Variants in SYAP1 observed in about 807,000 individuals in gnomAD.
SYAP1 encodes synapse-associated protein 1.
In SYAP1, 3 loss-of-function variants were observed where a neutral mutation model predicts 29.6. The observed-to-expected ratio is 0.10, with a 90% CI of 0.05 to 0.26. The LOEUF is 0.26. SYAP1 is among the 10% of genes least tolerant of loss of function. The pLI is 1.00. For synonymous variants in SYAP1, 102 were observed against 102.7 expected (o/e 0.99, Z 0.04); for missense variants, 217 against 264.1 (o/e 0.82, Z 1.24).
At chrX:16,735,379 A>G (rs1926307892) in intron 2 of SYAP1, 34 bp downstream of exon 2, 4 of 897,278 alleles carry the variant, frequency 4.5e-6, no homozygotes, top group Non-Finnish European at 6.3e-6. Context: ...GTAGAAATGT[A>G]TGAAATTCAT....
At chrX:16,748,393 CACA>C (rs1926655261) in intron 5 of SYAP1, among the ~76,000 whole-genome samples, 1 of 112,775 alleles carries the variant, frequency 8.9e-6, no homozygotes, top group African/African-American at 3.2e-5. Context: ...CACACAGAAG[CACA>C]ACTTTGCTCT....
intron 5 of SYAP1, among the ~76,000 whole-genome samples, chrX:16,752,241 GCAC>G (rs1040698433): frequency 1.8e-5 from 2 of 108,549 alleles, no homozygotes; most frequent in Non-Finnish European, 3.8e-5. Context: ...CCTCCCAAAG[GCAC>G]TGGGACTACA....
chrX:16,736,146 CTA>C lies in SYAP1; in HGVS notation c.295-18_295-17del, dbSNP rs1926323554. 5 of 1,024,748 alleles carry C rather than the reference CTA, an allele frequency of 4.9e-6. No individual in the cohort carries two copies. In the East Asian group the frequency reaches 9.1e-5, roughly 19 times the overall value. 84.5% of individuals were successfully genotyped at this position (1,024,748 alleles called of 1,213,427 possible). On this transcript the variant is annotated intron_variant, in intron 2 of 8. Coordinates refer to ENST00000380155, the MANE Select transcript of SYAP1 (RefSeq NM_032796.4). Reference sequence around the variant, plus strand: ...TTAGATACATTGCTATTTAATTTGACTATGTATTTTTTTTAACAGACAATTAT... The same window carrying C: ...TTAGATACATTGCTATTTAATTTGACTGTATTTTTTTTAACAGACAATTAT...
intron 5 of SYAP1, among the ~76,000 whole-genome samples, chrX:16,744,898 C>T (rs1230817050): frequency 8.9e-6 from 1 of 111,803 alleles, no homozygotes; most frequent in Non-Finnish European, 1.9e-5. Flanking sequence ...CCTGGGAGGT[C>T]GACGCTGCAG....
chrX:16,742,920 A>ATTTTTTTTTTTTTTTTTTTTTTT (rs761130108), intron 4 of SYAP1, among the ~76,000 whole-genome samples: 3 of 62,994 alleles, frequency 4.8e-5, no homozygotes, highest in South Asian at 7.6e-4. Flanking sequence ...GTCCGCTTCT[A>ATTTTTTTTTTTTTTTTTTTTTTT]TTTTTTTTTT....
chrX:16,743,148 C>T (rs1025662364), intron 4 of SYAP1, among the ~76,000 whole-genome samples: 43 of 104,012 alleles, frequency 4.1e-4, no homozygotes, highest in Admixed American at 3.7e-3. Flanking sequence ...GCCAACATGG[C>T]GAAACCCCAT....
rs139776447 is a variant in SYAP1 at position 16,722,132 on chromosome X, T to G, written c.175+2233T>G. 6.9e-3 allele frequency among the ~76,000 whole-genome samples: 772 copies of G among 112,381 alleles called. 27 individuals carry two copies. Among genetic ancestry groups the G allele is most frequent in the Admixed American group, 0.064 (679 of 10,575 alleles). ...ATTTCTACATATTGATCCTAAGAAG[T>G]ATATTGTCTTTAAGAAGACCCATTT... is the stretch of plus-strand genomic sequence containing the variant. On this transcript the variant is annotated intron_variant, in intron 1 of 8. Coordinates refer to ENST00000380155, the MANE Select transcript of SYAP1 (RefSeq NM_032796.4).
In SYAP1 at chrX:16,764,937, C is replaced by T. The variant is rs779640307; in HGVS notation, c.*4578C>T. On this transcript the variant is annotated 3_prime_UTR_variant, in exon 9 of 9. Coordinates refer to ENST00000380155, the MANE Select transcript of SYAP1 (RefSeq NM_032796.4). Reference sequence around the variant, plus strand: ...TCTTGAACTTCTGAGCTCAGGTGATCTATCTGCCTCGGCCTTCCAAAGTGC... The same window carrying T: ...TCTTGAACTTCTGAGCTCAGGTGATTTATCTGCCTCGGCCTTCCAAAGTGC... 1 of 111,355 alleles carries T rather than the reference C, an allele frequency of 9.0e-6. No individual in the cohort carries two copies. The highest frequency in any genetic ancestry group is 3.7e-4 in the South Asian group (1 of 2,668). 9.2% of individuals were successfully genotyped at this position (111,355 alleles called of 1,213,427 possible). A position where few individuals can be genotyped will look rare whatever the true frequency, so the allele number is the denominator to read the frequency against.
At chrX:16,751,438 C>A (rs1284412747) in intron 5 of SYAP1, among the ~76,000 whole-genome samples, 3 of 89,204 alleles carry the variant, frequency 3.4e-5, no homozygotes, top group African/African-American at 1.3e-4. Flanking sequence ...GGTGACAGAG[C>A]GAGACTCTGT....
chrX:16,720,741 A>G (rs1213643682), intron 1 of SYAP1, among the ~76,000 whole-genome samples: 2 of 111,963 alleles, frequency 1.8e-5, no homozygotes, highest in Non-Finnish European at 3.8e-5. Context: ...GAGGCCGGAT[A>G]TGGTGGCTCA....
chrX:16,728,439 G>A (rs1926129790), intron 1 of SYAP1, among the ~76,000 whole-genome samples: 1 of 110,903 alleles, frequency 9.0e-6, no homozygotes, highest in Non-Finnish European at 1.9e-5. Context: ...GGCCAAGGCA[G>A]GTGGATCACC....
chrX:16,725,018 CT>C (rs1159041131), intron 1 of SYAP1, among the ~76,000 whole-genome samples: 1 of 112,321 alleles, frequency 8.9e-6, no homozygotes, highest in African/African-American at 3.2e-5. Context: ...AGATCTGCCC[CT>C]ATCACATAGG....
chrX:16,740,827 A>T (rs961122120), intron 3 of SYAP1, among the ~76,000 whole-genome samples: 3 of 111,789 alleles, frequency 2.7e-5, no homozygotes, highest in Non-Finnish European at 1.9e-5. Flanking sequence ...TGTCCTTTAT[A>T]ACATTTGTCC....
chrX:16,751,511 C>A (rs1926728983), intron 5 of SYAP1, among the ~76,000 whole-genome samples: 1 of 103,010 alleles, frequency 9.7e-6, no homozygotes, highest in Admixed American at 1.1e-4. Flanking sequence ...TTTCTACTTG[C>A]CAAAAAAAAA....
intron 1 of SYAP1, among the ~76,000 whole-genome samples, chrX:16,726,968 G>A (rs1926093646): frequency 9.0e-6 from 1 of 111,432 alleles, no homozygotes; most frequent in Non-Finnish European, 1.9e-5. Flanking sequence ...GAAAAATGGG[G>A]AAAAAGGAAA....
In SYAP1 at chrX:16,751,971, C is replaced by A. The variant is rs190652761; in HGVS notation, c.576-2974C>A. On this transcript the variant is annotated intron_variant, in intron 5 of 8. Transcript: ENST00000380155. ...GATTACAGGCATGAGCCACTGCACC[C>A]GGCCTTTTTTTTTTTTTTTTTTTTT... Among the ~76,000 whole-genome samples, 556 of 96,334 alleles carry A rather than the reference C, an allele frequency of 5.8e-3. 5 individuals are homozygous for A. The highest frequency in any genetic ancestry group is 0.023 in the African/African-American group (542 of 24,061). The allele number at this position is 96,334 out of a possible 115,157, so 83.7% of individuals were successfully genotyped here. A position where few individuals can be genotyped will look rare whatever the true frequency, so the allele number is the denominator to read the frequency against.
chrX:16,744,590 T>C (rs1325028774), intron 5 of SYAP1, among the ~76,000 whole-genome samples: 1 of 112,386 alleles, frequency 8.9e-6, no homozygotes, highest in East Asian at 2.8e-4. Context: ...CTCAACACTT[T>C]GGGAGGCTGA....
In SYAP1 at chrX:16,760,241, C is replaced by T; in HGVS notation, c.941C>T (p.Ala314Val). The T allele has an allele frequency of 8.5e-7, 1 of 1,183,322 alleles. No homozygotes were observed. Among genetic ancestry groups the T allele is most frequent in the Non-Finnish European group, 1.1e-6 (1 of 884,988 alleles). Residue 314 changes from alanine to valine, a missense_variant, in exon 9 of 9, where the codon GCA (alanine) becomes GTA (valine). Physicochemically the swap from Ala to Val is moderately conservative, Grantham distance 64 (BLOSUM62 0). Coordinates refer to ENST00000380155, the MANE Select transcript of SYAP1 (RefSeq NM_032796.4). ...EETAVLEEDS[A>V]DWEKELQQEL... is the part of the protein sequence containing the mutation. ...CCTTTGTTTCTTTTAGAGGATTCTG[C>T]AGATTGGGAAAAAGAACTGCAGCAG...
In SYAP1 at chrX:16,756,692, G is replaced by A; in HGVS notation, c.754G>A (p.Val252Ile). 1 of 1,211,472 alleles carries A rather than the reference G, an allele frequency of 8.3e-7. No individual in the cohort carries two copies. The highest frequency in any genetic ancestry group is 1.1e-6 in the Non-Finnish European group (1 of 895,176). Reference protein sequence around the residue: ...EAVRPKTPPVVIKSQLKTQED... With the variant: ...EAVRPKTPPVIIKSQLKTQED... The stretch of plus-strand genomic sequence containing the variant: ...AGTACGGCCCAAAACGCCACCCGTT[G>A]TAATCAAATCTCAGCTTAAAACTCA... The change falls in exon 7 of 9, where the codon GTA becomes ATA. Residue 252 changes from valine to isoleucine, a missense_variant. Transcript: ENST00000380155.
Sources: gnomAD v4.1 joint callset for allele counts (sites outside exome capture counted in the v4.1 genomes callset) on GRCh38, gnomAD v4.1.1 for gene constraint, MANE v1.5 for transcripts, NCBI Gene and HGNC (gene_info 2026-07-23, HGNC 2026-07-21) for gene names.